Variants in PXDNL observed in about 807,000 individuals in gnomAD.
PXDNL encodes the protein peroxidasin like.
In PXDNL, 145 loss-of-function variants were observed where a neutral mutation model predicts 150.8. The observed-to-expected ratio is 0.96, with a 90% CI of 0.84 to 1.10. The LOEUF (loss-of-function observed/expected upper bound fraction) is 1.10, where lower values mean the gene tolerates loss of function less well. PXDNL is among the 50% of genes least tolerant of loss of function. The pLI, the probability that PXDNL is intolerant of heterozygous loss-of-function variation, is 0.00. For missense variants in PXDNL, 2,087 were observed against 1,873.9 expected (o/e 1.11, Z -2.10); for synonymous variants, 757 against 725.7 (o/e 1.04, Z -0.69).
chr8:51,727,455 A>T (rs1205513451), intron 1 of PXDNL, among the ~76,000 whole-genome samples: 1 of 152,194 alleles, frequency 6.6e-6, no homozygotes, highest in African/African-American at 2.4e-5. Context: ...TCTTCATGGC[A>T]ATGCTGGTGT....
intron 17 of PXDNL, among the ~76,000 whole-genome samples, chr8:51,381,348 T>A (rs1807531601): frequency 1.3e-5 from 2 of 152,132 alleles, no homozygotes; most frequent in Non-Finnish European, 2.9e-5. Context: ...CTGTGTCTTA[T>A]CCTGTGTTTC....
At chr8:51,564,489 T>C (rs768264436) in intron 3 of PXDNL, among the ~76,000 whole-genome samples, 4 of 151,438 alleles carry the variant, frequency 2.6e-5, no homozygotes, top group Non-Finnish European at 4.4e-5. Context: ...TAGTGCTCAT[T>C]AGGGAGTTTT....
At chr8:51,437,775 C>A (rs1586106584) in intron 12 of PXDNL, among the ~76,000 whole-genome samples, 1 of 152,068 alleles carries the variant, frequency 6.6e-6, no homozygotes, top group African/African-American at 2.4e-5. Flanking sequence ...CTCAGAACTA[C>A]TTCTATTCAA....
At chr8:51,788,548 G>A (rs1462065180) in intron 1 of PXDNL, among the ~76,000 whole-genome samples, 3 of 152,224 alleles carry the variant, frequency 2.0e-5, no homozygotes, top group African/African-American at 4.8e-5. Flanking sequence ...ACTAGTATAA[G>A]CTGCTTCACA....
intron 4 of PXDNL, among the ~76,000 whole-genome samples, chr8:51,526,042 T>C (rs559380585): frequency 1.2e-4 from 18 of 152,232 alleles, no homozygotes; most frequent in Non-Finnish European, 2.1e-4. Context: ...TTTGCATGTA[T>C]AGTTTTTTCC....
At chr8:51,706,682 CT>C (rs1280352668) in intron 1 of PXDNL, among the ~76,000 whole-genome samples, 1 of 152,144 alleles carries the variant, frequency 6.6e-6, no homozygotes, top group Non-Finnish European at 1.5e-5. Flanking sequence ...ATAAAAGAGA[CT>C]AATTTTTAAC....
At chr8:51,492,835 C>T (rs865872190) in intron 5 of PXDNL, among the ~76,000 whole-genome samples, 4 of 152,208 alleles carry the variant, frequency 2.6e-5, no homozygotes, top group South Asian at 2.1e-4. Flanking sequence ...CTGCCTGCCT[C>T]TGTAGACTCC....
intron 4 of PXDNL, among the ~76,000 whole-genome samples, chr8:51,523,679 T>C (rs908281671): frequency 5.9e-5 from 9 of 152,236 alleles, no homozygotes; most frequent in African/African-American, 2.2e-4. Context: ...TACTGCAAAC[T>C]GCACCTGCTT....
chr8:51,471,823 A>T (rs1810342092), intron 8 of PXDNL, among the ~76,000 whole-genome samples: 2 of 151,720 alleles, frequency 1.3e-5, no homozygotes, highest in African/African-American at 4.8e-5. Flanking sequence ...AGTAGCTGGG[A>T]CTACAGGCGC....
chr8:51,700,350 T>C (rs1019127228), intron 1 of PXDNL, among the ~76,000 whole-genome samples: 1 of 151,058 alleles, frequency 6.6e-6, no homozygotes, highest in African/African-American at 2.4e-5. Flanking sequence ...CACACATACA[T>C]ACACCCACAA....
chr8:51,361,160 G>A (rs946295859), intron 19 of PXDNL, among the ~76,000 whole-genome samples: 4 of 152,156 alleles, frequency 2.6e-5, no homozygotes, highest in African/African-American at 9.7e-5. Flanking sequence ...AGCTCTCTGA[G>A]TTTGAGCAAA....
chr8:51,601,218 G>T (rs117347071), intron 2 of PXDNL, among the ~76,000 whole-genome samples: 6 of 151,622 alleles, frequency 4.0e-5, no homozygotes, highest in Non-Finnish European at 5.9e-5. Context: ...GGAGTATTCC[G>T]TAATGTTTAT....
intron 20 of PXDNL, chr8:51,340,170 C>A (rs1805946804): frequency 6.5e-6 from 1 of 153,600 alleles, no homozygotes; most frequent in African/African-American, 2.4e-5. Flanking sequence ...GCTGCTTTCT[C>A]TATTATAAAT....
intron 17 of PXDNL, among the ~76,000 whole-genome samples, chr8:51,407,117 G>C (rs758546862): frequency 1.3e-5 from 2 of 152,170 alleles, no homozygotes; most frequent in Non-Finnish European, 2.9e-5. Context: ...GTAGAACAGA[G>C]ATTTAAACCA....
At chr8:51,486,781 TATATATATA>T (rs1396290278) in intron 5 of PXDNL, among the ~76,000 whole-genome samples, 344 of 21,766 alleles carry the variant, frequency 0.016, 7 homozygotes, top group East Asian at 0.028. Context: ...TATATATATA[TATATATATA>T]TATATTTTTT....
intron 12 of PXDNL, among the ~76,000 whole-genome samples, chr8:51,438,297 A>T (rs935552657): frequency 1.3e-5 from 2 of 151,986 alleles, no homozygotes; most frequent in Non-Finnish European, 2.9e-5. Context: ...CATTCTTCAC[A>T]GAACTAAAAA....
intron 19 of PXDNL, among the ~76,000 whole-genome samples, chr8:51,346,751 C>T (rs1806173716): frequency 6.6e-6 from 1 of 152,154 alleles, no homozygotes. Flanking sequence ...GCCCTGCCTC[C>T]TGCTCCCTTT....
chr8:51,377,645 G>C (rs1477140022), intron 17 of PXDNL, among the ~76,000 whole-genome samples: 1 of 152,254 alleles, frequency 6.6e-6, no homozygotes, highest in African/African-American at 2.4e-5. Context: ...CAGGCAGTGA[G>C]GGGCTTAGCA....
At chr8:51,526,564 A>C (rs1484948468) in intron 4 of PXDNL, among the ~76,000 whole-genome samples, 1 of 152,178 alleles carries the variant, frequency 6.6e-6, no homozygotes, top group African/African-American at 2.4e-5. Context: ...TCGTCTCTCC[A>C]TCCAACCTCC....
Sources: allele counts gnomAD v4.1 joint callset (sites outside exome capture counted in the v4.1 genomes callset), GRCh38; gene constraint gnomAD v4.1.1; transcripts MANE v1.5; gene names NCBI Gene and HGNC (gene_info 2026-07-23, HGNC 2026-07-21).